Variants in ARL15 observed in about 807,000 individuals in gnomAD.
ARL15 encodes the protein ADP-ribosylation factor-like protein 15.
Under a neutral mutation model 25.2 loss-of-function variants are expected in ARL15, and 19 were observed. The observed-to-expected ratio is 0.75, with a 90% CI of 0.53 to 1.10. The LOEUF (loss-of-function observed/expected upper bound fraction) is 1.10, where lower values mean the gene tolerates loss of function less well. Ranked by LOEUF, ARL15 falls within the 50% of genes least tolerant of loss-of-function variation. The pLI is 0.00. For synonymous variants in ARL15, 94 were observed against 86.8 expected, an observed-to-expected ratio of 1.08 and a Z score of -0.46; for missense variants, 220 against 246.0, an observed-to-expected ratio of 0.89 and a Z score of 0.71.
intron 1 of ARL15, among the ~76,000 whole-genome samples, chr5:54,306,391 C>CTTTTT (rs11338403): frequency 1.1e-4 from 15 of 134,512 alleles, no homozygotes; most frequent in Non-Finnish European, 1.4e-4. Context: ...AATACGTTAA[C>CTTTTT]TTTTTTTTTT....
intron 4 of ARL15, chr5:53,887,409 T>C: frequency 1.4e-6 from 1 of 700,788 alleles, no homozygotes. Flanking sequence ...CAAGAACTTA[T>C]AATAGGTATG....
At chr5:54,028,743 G>A (rs1377422194) in intron 4 of ARL15, among the ~76,000 whole-genome samples, 1 of 152,156 alleles carries the variant, frequency 6.6e-6, no homozygotes, top group Non-Finnish European at 1.5e-5. Context: ...CAGGCATGGT[G>A]GCTCATGCCT....
At chr5:54,251,124 C>G (rs2112599118) in intron 1 of ARL15, among the ~76,000 whole-genome samples, 1 of 127,420 alleles carries the variant, frequency 7.8e-6, no homozygotes, top group East Asian at 1.9e-4. Context: ...GAAAGTGATT[C>G]ACTTGAAAGC....
intron 1 of ARL15, among the ~76,000 whole-genome samples, chr5:54,214,415 T>C (rs1025581791): frequency 1.3e-5 from 2 of 152,124 alleles, no homozygotes; most frequent in African/African-American, 4.8e-5. Flanking sequence ...CTTTGAAAAA[T>C]GCTGGAGCTT....
intron 4 of ARL15, among the ~76,000 whole-genome samples, chr5:53,936,036 T>C (rs1007270166): frequency 2.0e-5 from 3 of 151,960 alleles, no homozygotes; most frequent in Non-Finnish European, 2.9e-5. Context: ...GGCGTGGCCA[T>C]CGTGCCCGGC....
intron 4 of ARL15, among the ~76,000 whole-genome samples, chr5:53,939,899 T>G (rs936705538): frequency 4.0e-5 from 6 of 148,338 alleles, no homozygotes; most frequent in Non-Finnish European, 8.9e-5. Flanking sequence ...GTAACTTAGG[T>G]GTTATCCAGA....
At chr5:54,129,223 A>G (rs1753359572) in intron 3 of ARL15, among the ~76,000 whole-genome samples, 1 of 152,206 alleles carries the variant, frequency 6.6e-6, no homozygotes, top group Non-Finnish European at 1.5e-5. Flanking sequence ...TATCCAGAAG[A>G]CAGCTAAAAA....
At chr5:53,982,972 A>G (rs1478495634) in intron 4 of ARL15, among the ~76,000 whole-genome samples, 1 of 152,172 alleles carries the variant, frequency 6.6e-6, no homozygotes, top group Non-Finnish European at 1.5e-5. Flanking sequence ...TTGGCTGCAT[A>G]AATGTCTTCT....
intron 1 of ARL15, among the ~76,000 whole-genome samples, chr5:54,200,278 A>T (rs1426862531): frequency 6.6e-6 from 1 of 151,938 alleles, no homozygotes; most frequent in Non-Finnish European, 1.5e-5. Flanking sequence ...CATGTACCCT[A>T]AAACTTAAAG....
At chr5:53,905,020 C>T (rs566054947) in intron 4 of ARL15, among the ~76,000 whole-genome samples, 66 of 152,228 alleles carry the variant, frequency 4.3e-4, no homozygotes, top group South Asian at 1.2e-3. Flanking sequence ...GAACCACCAG[C>T]GCCTGGCCTT....
At chr5:54,004,312 G>A (rs1220274535) in intron 4 of ARL15, among the ~76,000 whole-genome samples, 1 of 152,040 alleles carries the variant, frequency 6.6e-6, no homozygotes, top group Non-Finnish European at 1.5e-5. Flanking sequence ...GGCCAACATG[G>A]TGAAACCCCG....
intron 4 of ARL15, among the ~76,000 whole-genome samples, chr5:54,071,510 TCC>T (rs5867913): frequency 0.027 from 1,725 of 63,786 alleles, 69 homozygotes; most frequent in East Asian, 0.1. Flanking sequence ...CCACCGCCTT[TCC>T]CCCCCCCCCC....
chr5:53,931,613 A>G (rs1746197153), intron 4 of ARL15, among the ~76,000 whole-genome samples: 1 of 152,200 alleles, frequency 6.6e-6, no homozygotes, highest in Non-Finnish European at 1.5e-5. Flanking sequence ...TACCTCTCTC[A>G]TCTTTGGCAC....
chr5:53,905,566 C>G (rs1006170630), intron 4 of ARL15, among the ~76,000 whole-genome samples: 2 of 152,126 alleles, frequency 1.3e-5, no homozygotes, highest in Non-Finnish European at 2.9e-5. Context: ...CTTTTCTTAG[C>G]CCATGCCCTG....
chr5:53,946,978 G>A (rs1746756001), intron 4 of ARL15, among the ~76,000 whole-genome samples: 1 of 152,160 alleles, frequency 6.6e-6, no homozygotes, highest in Admixed American at 6.5e-5. Flanking sequence ...ATTCAATCAT[G>A]TATGTGGGAT....
In ARL15 at chr5:54,081,550, A is replaced by C. The variant is rs151258134; in HGVS notation, c.462+31652T>G. On this transcript the variant is annotated intron_variant, in intron 4 of 4. Transcript: ENST00000504924. ...ACCAGGTGCAGTTAACTAGATCATG[A>C]AGGTGGTTTCCCCCATGCTCTTCTG... is the stretch of plus-strand genomic sequence containing the variant. Among the ~76,000 whole-genome samples the C allele has an allele frequency of 9.0e-3, 1,376 of 152,222 alleles. 24 individuals carry two copies. The highest frequency in any genetic ancestry group is 0.031 in the African/African-American group (1,304 of 41,542).
intron 4 of ARL15, among the ~76,000 whole-genome samples, chr5:54,080,305 A>G (rs1290595880): frequency 6.6e-6 from 1 of 152,246 alleles, no homozygotes; most frequent in African/African-American, 2.4e-5. Flanking sequence ...AACAAAAGAC[A>G]TCGCTGCTAC....
intron 4 of ARL15, among the ~76,000 whole-genome samples, chr5:54,005,723 G>C (rs556301526): frequency 6.6e-6 from 1 of 151,958 alleles, no homozygotes; most frequent in Non-Finnish European, 1.5e-5. Context: ...TTAGCCGGGC[G>C]TGGTGGCCGG....
At chr5:54,293,896 T>A (rs944966900) in intron 1 of ARL15, among the ~76,000 whole-genome samples, 4 of 152,094 alleles carry the variant, frequency 2.6e-5, no homozygotes, top group African/African-American at 9.7e-5. Flanking sequence ...TGGCACGATC[T>A]CAGCTCACTG....
Sources: gnomAD v4.1 joint callset for allele counts (sites outside exome capture counted in the v4.1 genomes callset) on GRCh38, gnomAD v4.1.1 for gene constraint, MANE v1.5 for transcripts, NCBI Gene and HGNC (gene_info 2026-07-23, HGNC 2026-07-21) for gene names.